Variants in KCNIP4 observed in about 807,000 individuals in gnomAD.
KCNIP4 encodes the protein Kv channel-interacting protein 4.
A neutral mutation model predicts 34.0 loss-of-function variants in KCNIP4; 12 were observed. The ratio of observed to expected loss-of-function variants is 0.35; its 90% CI spans 0.23 to 0.57. KCNIP4 has a LOEUF of 0.57. Ranked by LOEUF, KCNIP4 falls within the 20% of genes least tolerant of loss-of-function variation. KCNIP4 has a pLI of 0.83. For missense variants in KCNIP4, 238 were observed against 311.7 expected (o/e 0.76, Z 1.78); for synonymous variants, 124 against 102.2 (o/e 1.21, Z -1.29).
At chr4:20,931,249 G>T (rs566085675) in intron 1 of KCNIP4, among the ~76,000 whole-genome samples, 28 of 151,848 alleles carry the variant, frequency 1.8e-4, no homozygotes, top group Non-Finnish European at 3.7e-4. Flanking sequence ...ATAAAAAAAG[G>T]TGATCCTGCC....
intron 1 of KCNIP4, among the ~76,000 whole-genome samples, chr4:21,830,183 T>C (rs1578042703): frequency 6.6e-6 from 1 of 151,988 alleles, no homozygotes; most frequent in Admixed American, 6.6e-5. Flanking sequence ...AAAGACAGCA[T>C]AGGGAGCTAA....
intron 1 of KCNIP4, among the ~76,000 whole-genome samples, chr4:21,436,171 G>A (rs1355275597): frequency 6.6e-6 from 1 of 152,128 alleles, no homozygotes; most frequent in Admixed American, 6.5e-5. Flanking sequence ...AAGTAGATGA[G>A]CTCAATGTCA....
intron 1 of KCNIP4, among the ~76,000 whole-genome samples, chr4:21,207,343 C>T (rs1756920360): frequency 1.3e-5 from 2 of 152,106 alleles, no homozygotes; most frequent in African/African-American, 4.8e-5. Flanking sequence ...GTATCTATGA[C>T]AATAAAACAC....
chr4:20,729,875 C>CTGAACTCAGTGGCATTATGAAAAG lies in KCNIP4; in HGVS notation c.*183_*206dup. On this transcript the variant is annotated 3_prime_UTR_variant, in exon 9 of 9. Coordinates refer to ENST00000382152, the MANE Select transcript of KCNIP4 (RefSeq NM_025221.6). ...AGTATGAAATGAGTTAGACCATCCC[C>CTGAACTCAGTGGCATTATGAAAAG]TGAACTCAGTGGCATTATGAAAAGG... is the stretch of plus-strand genomic sequence containing the variant. The CTGAACTCAGTGGCATTATGAAAAG allele has an allele frequency of 2.1e-6, 1 of 476,280 alleles. No individual in the cohort carries two copies. 29.5% of individuals were successfully genotyped at this position (476,280 alleles called of 1,614,324 possible).
intron 1 of KCNIP4, among the ~76,000 whole-genome samples, chr4:21,817,923 G>T (rs768307359): frequency 3.9e-5 from 6 of 152,158 alleles, no homozygotes; most frequent in Admixed American, 1.3e-4. Flanking sequence ...ACCCATATCA[G>T]TAGTTCTGCT....
At chr4:21,078,761 C>T (rs766679505) in intron 1 of KCNIP4, among the ~76,000 whole-genome samples, 1 of 152,030 alleles carries the variant, frequency 6.6e-6, no homozygotes, top group Non-Finnish European at 1.5e-5. Flanking sequence ...TGCTTCTTCC[C>T]TACTACTTAT....
intron 1 of KCNIP4, among the ~76,000 whole-genome samples, chr4:21,335,994 T>C (rs886951056): frequency 1.3e-5 from 2 of 152,132 alleles, no homozygotes; most frequent in Non-Finnish European, 2.9e-5. Flanking sequence ...TCCTCACACA[T>C]ATATTTATAT....
intron 3 of KCNIP4, among the ~76,000 whole-genome samples, chr4:20,782,393 G>C (rs911982030): frequency 6.6e-6 from 1 of 152,314 alleles, no homozygotes; most frequent in African/African-American, 2.4e-5. Context: ...TGCCCTAGTA[G>C]ATGTTCTCCA....
At chr4:21,673,355 G>A (rs1016543010) in intron 1 of KCNIP4, among the ~76,000 whole-genome samples, 9 of 152,052 alleles carry the variant, frequency 5.9e-5, no homozygotes, top group Admixed American at 2.0e-4. Context: ...TAGTTGATCA[G>A]GATATACTGT....
intron 1 of KCNIP4, among the ~76,000 whole-genome samples, chr4:21,422,069 G>A: frequency 6.6e-6 from 1 of 152,156 alleles, no homozygotes; most frequent in East Asian, 1.9e-4. Flanking sequence ...AAAAGAGAAA[G>A]AGATGATATT....
At chr4:21,814,378 A>G (rs1177205667) in intron 1 of KCNIP4, among the ~76,000 whole-genome samples, 4 of 152,072 alleles carry the variant, frequency 2.6e-5, no homozygotes, top group African/African-American at 9.7e-5. Context: ...AATTACAGGG[A>G]TGGGTCTTTC....
rs1717654401 is a variant in KCNIP4, at chr4:21,348,201, T to C, written c.62-465492A>G. 2.0e-5 allele frequency among the ~76,000 whole-genome samples: 3 copies of C among 152,202 alleles called. No individual in the cohort carries two copies. In the South Asian group the frequency reaches 6.2e-4, roughly 31 times the overall value. On this transcript the variant is annotated intron_variant, in intron 1 of 8. Transcript: ENST00000382152. ...CCTCTTGACTAGGACCATATGTGCA[T>C]GCATTTCCAGATGCTGTGGTCATAA...
rs538962229 is a variant in KCNIP4 at position 21,610,901 on chromosome 4, G to A, written c.61+337670C>T. On this transcript the variant is annotated intron_variant, in intron 1 of 8. Coordinates refer to ENST00000382152, the MANE Select transcript of KCNIP4 (RefSeq NM_025221.6). Reference sequence around the variant, plus strand: ...TGCTACATAGGTATATATGTGCCACGGTGATTTGCTGCACCCATCAACTCA... The same window carrying A: ...TGCTACATAGGTATATATGTGCCACAGTGATTTGCTGCACCCATCAACTCA... 1.1e-3 allele frequency among the ~76,000 whole-genome samples: 171 copies of A among 151,976 alleles called. 1 individual carries two copies. The highest frequency in any genetic ancestry group is 4.0e-3 in the African/African-American group (164 of 41,416).
At chr4:21,868,326 C>T (rs2109361574) in intron 1 of KCNIP4, among the ~76,000 whole-genome samples, 1 of 152,256 alleles carries the variant, frequency 6.6e-6, no homozygotes, top group African/African-American at 2.4e-5. Flanking sequence ...ACACATTACG[C>T]ATTTTATATG....
At chr4:21,866,280 T>C (rs757964157) in intron 1 of KCNIP4, among the ~76,000 whole-genome samples, 7 of 152,224 alleles carry the variant, frequency 4.6e-5, no homozygotes, top group Non-Finnish European at 1.0e-4. Context: ...TTTGCACAAC[T>C]AACTGAAATT....
intron 1 of KCNIP4, among the ~76,000 whole-genome samples, chr4:21,109,582 G>T (rs987475329): frequency 3.9e-5 from 6 of 152,200 alleles, no homozygotes; most frequent in Non-Finnish European, 8.8e-5. Context: ...GCCCTGCTTT[G>T]GCTCGCGCAT....
Position 20,912,383 on chromosome 4 carries a change from T to C in KCNIP4, c.62-29674A>G, listed in dbSNP as rs538986919. 9.8e-5 allele frequency among the ~76,000 whole-genome samples: 15 copies of C among 152,300 alleles called. No individual in the cohort carries two copies. In the South Asian group the frequency reaches 2.9e-3, roughly 29 times the overall value. Reference sequence around the variant, plus strand: ...ATATGCAAAAATAAATTCATTTCTATGTGCTTGCAATGAATAATTCAAAAA... The same window carrying C: ...ATATGCAAAAATAAATTCATTTCTACGTGCTTGCAATGAATAATTCAAAAA... On this transcript the variant is annotated intron_variant, in intron 1 of 8. Coordinates refer to ENST00000382152, the MANE Select transcript of KCNIP4 (RefSeq NM_025221.6).
chr4:21,003,700 C>T (rs1205038671), intron 1 of KCNIP4, among the ~76,000 whole-genome samples: 2 of 152,150 alleles, frequency 1.3e-5, no homozygotes, highest in Admixed American at 6.5e-5. Context: ...TACTGCCCAC[C>T]TGAGTTGGGG....
chr4:20,958,751 G>A (rs2149655138), intron 1 of KCNIP4, among the ~76,000 whole-genome samples: 1 of 152,268 alleles, frequency 6.6e-6, no homozygotes, highest in South Asian at 2.1e-4. Flanking sequence ...AATAATCTAA[G>A]CTAATTAGAA....
Sources: allele counts gnomAD v4.1 joint callset (sites outside exome capture counted in the v4.1 genomes callset), GRCh38; gene constraint gnomAD v4.1.1; transcripts MANE v1.5; gene names NCBI Gene and HGNC (gene_info 2026-07-23, HGNC 2026-07-21).